PDE10A: variants seen among roughly 807,000 people sequenced by gnomAD.
The protein encoded by PDE10A is cAMP and cAMP-inhibited cGMP 3',5'-cyclic phosphodiesterase 10A.
Under a neutral mutation model 97.7 loss-of-function variants are expected in PDE10A, and 39 were observed. The ratio of observed to expected loss-of-function variants is 0.40; its 90% CI spans 0.31 to 0.52. PDE10A has a LOEUF of 0.52. Ranked by LOEUF, PDE10A falls within the 20% of genes least tolerant of loss-of-function variation. The pLI is 0.56. For missense variants in PDE10A, 731 were observed against 1,047.8 expected (o/e 0.70, Z 4.17); for synonymous variants, 371 against 376.8 (o/e 0.98, Z 0.18).
intron 1 of PDE10A, among the ~76,000 whole-genome samples, chr6:165,857,851 T>C (rs1023068342): frequency 6.6e-6 from 1 of 152,074 alleles, no homozygotes; most frequent in African/African-American, 2.4e-5. Flanking sequence ...GATCTTAGGG[T>C]GCCTCCCTGT....
At chr6:165,570,971 T>C (rs1785022808) in intron 1 of PDE10A, among the ~76,000 whole-genome samples, 3 of 152,266 alleles carry the variant, frequency 2.0e-5, no homozygotes, top group South Asian at 4.2e-4. Flanking sequence ...ACTGTGAGGA[T>C]TGGGGTTACA....
At chr6:165,490,178 G>GT (rs1415929765) in intron 2 of PDE10A, among the ~76,000 whole-genome samples, 5 of 152,182 alleles carry the variant, frequency 3.3e-5, no homozygotes, top group Non-Finnish European at 7.4e-5. Context: ...GGAAAGAATC[G>GT]TAAGAGCTGT....
At chr6:165,947,200 A>G (rs1783799476) in intron 1 of PDE10A, 1 of 152,080 alleles carries the variant, frequency 6.6e-6, no homozygotes, top group Non-Finnish European at 1.5e-5. Flanking sequence ...CTTTTCCTCT[A>G]TCTCCCATAT....
At chr6:165,925,154 C>G (rs1013671748) in intron 1 of PDE10A, among the ~76,000 whole-genome samples, 2 of 152,148 alleles carry the variant, frequency 1.3e-5, no homozygotes, top group Non-Finnish European at 2.9e-5. Context: ...ATTTTAACAC[C>G]ATCTGCCATT....
chr6:165,590,881 A>C (rs1786223169), intron 1 of PDE10A, among the ~76,000 whole-genome samples: 1 of 152,090 alleles, frequency 6.6e-6, no homozygotes, highest in South Asian at 2.1e-4. Flanking sequence ...ACAGAGCGAG[A>C]CTCTGTCTCA....
intron 1 of PDE10A, among the ~76,000 whole-genome samples, chr6:165,857,948 C>A (rs1179987194): frequency 5.9e-5 from 9 of 152,130 alleles, no homozygotes; most frequent in African/African-American, 2.2e-4. Flanking sequence ...CTGATAACTT[C>A]TTTTTCCAGC....
At chr6:165,559,453 A>G (rs1287202634) in intron 1 of PDE10A, among the ~76,000 whole-genome samples, 1 of 152,234 alleles carries the variant, frequency 6.6e-6, no homozygotes, top group Non-Finnish European at 1.5e-5. Context: ...GGTTTAAATC[A>G]TAAAAGAAAA....
chr6:165,690,517 GC>G (rs773814210), intron 1 of PDE10A, among the ~76,000 whole-genome samples: 5 of 152,100 alleles, frequency 3.3e-5, no homozygotes, highest in Non-Finnish European at 5.9e-5. Context: ...CTCTGGTCAT[GC>G]CCCTCCCTTG....
chr6:165,562,287 G>A (rs2128338369), intron 1 of PDE10A, among the ~76,000 whole-genome samples: 1 of 152,158 alleles, frequency 6.6e-6, no homozygotes, highest in African/African-American at 2.4e-5. Context: ...ATAGAATGTA[G>A]CCTGTTATTA....
chr6:165,457,393 A>G (rs1190432555), intron 3 of PDE10A, among the ~76,000 whole-genome samples: 1 of 152,184 alleles, frequency 6.6e-6, no homozygotes, highest in Non-Finnish European at 1.5e-5. Flanking sequence ...GGATACCACC[A>G]TCTTCATATT....
chr6:165,637,246 C>T (rs568409380), intron 1 of PDE10A, among the ~76,000 whole-genome samples: 88 of 152,224 alleles, frequency 5.8e-4, no homozygotes, highest in African/African-American at 2.1e-3. Context: ...AGTGGAACGG[C>T]AAAGAATCAC....
chr6:165,448,681 T>C (rs1031487669), intron 5 of PDE10A, among the ~76,000 whole-genome samples: 5 of 150,504 alleles, frequency 3.3e-5, no homozygotes, highest in African/African-American at 1.2e-4. Flanking sequence ...ATTTATAACA[T>C]AGGGTACCAC....
At chr6:165,791,159 G>A (rs536233078) in intron 1 of PDE10A, among the ~76,000 whole-genome samples, 135 of 151,958 alleles carry the variant, frequency 8.9e-4, no homozygotes, top group African/African-American at 3.1e-3. Flanking sequence ...ATGTTGTCCA[G>A]GCTGGTCTCA....
intron 1 of PDE10A, among the ~76,000 whole-genome samples, chr6:165,547,693 A>G (rs145489675): frequency 1.3e-5 from 2 of 152,302 alleles, no homozygotes; most frequent in East Asian, 3.9e-4. Flanking sequence ...CTCTACTTCA[A>G]CATTTTGATA....
intron 13 of PDE10A, among the ~76,000 whole-genome samples, chr6:165,408,311 G>T (rs1264415904): frequency 2.0e-5 from 3 of 152,168 alleles, no homozygotes; most frequent in Non-Finnish European, 4.4e-5. Context: ...AGAACATTCA[G>T]GAAAAGGTAG....
At chr6:165,336,305 A>T in intron 20 of PDE10A, 94 bp from the exon 21 acceptor site, 1 of 819,504 alleles carries the variant, frequency 1.2e-6, no homozygotes, top group South Asian at 1.6e-5. Context: ...TCTGTTTCTG[A>T]GGCCTAATTA....
chr6:165,913,578 G>A (rs66687865), intron 1 of PDE10A, among the ~76,000 whole-genome samples: 9,588 of 152,000 alleles, frequency 0.063, 396 homozygotes, highest in South Asian at 0.13. Flanking sequence ...TTCTCAGTCC[G>A]AGTTTGCTTG....
chr6:165,853,341 G>A (rs1780624984), intron 1 of PDE10A, among the ~76,000 whole-genome samples: 1 of 152,196 alleles, frequency 6.6e-6, no homozygotes, highest in African/African-American at 2.4e-5. Context: ...TTACATAAAG[G>A]ATTTGATGAT....
chr6:165,724,550 T>G (rs1370467868), intron 1 of PDE10A, among the ~76,000 whole-genome samples: 2 of 152,208 alleles, frequency 1.3e-5, no homozygotes, highest in Admixed American at 6.5e-5. Context: ...CCTCGTGGGC[T>G]TCGTCCTGTC....
Sources: allele counts gnomAD v4.1 joint callset (sites outside exome capture counted in the v4.1 genomes callset), GRCh38; gene constraint gnomAD v4.1.1; transcripts MANE v1.5; gene names NCBI Gene and HGNC (gene_info 2026-07-23, HGNC 2026-07-21).